Variants in MEGF6 observed in about 807,000 individuals in gnomAD.
MEGF6 encodes multiple EGF like domains 6, also known as multiple epidermal growth factor-like domains protein 6.
Under a neutral mutation model 207.1 loss-of-function variants are expected in MEGF6, and 184 were observed. The ratio of observed to expected loss-of-function variants is 0.89; its 90% CI spans 0.79 to 1.00. The LOEUF is 1.00. Among genes scored for constraint, MEGF6 ranks in the 50% least tolerant of loss-of-function variants. The pLI is 0.00. For missense variants in MEGF6, 2,282 were observed against 2,202.9 expected, an observed-to-expected ratio of 1.04 and a Z score of -0.72; for synonymous variants, 1,038 against 910.0, an observed-to-expected ratio of 1.14 and a Z score of -2.53.
At chr1:3,553,596 G>C (rs1045625914) in intron 4 of MEGF6, among the ~76,000 whole-genome samples, 1 of 152,190 alleles carries the variant, frequency 6.6e-6, no homozygotes, top group African/African-American at 2.4e-5. Flanking sequence ...CAGGATTTAC[G>C]AGGCCCTGCC....
intron 4 of MEGF6, among the ~76,000 whole-genome samples, chr1:3,576,713 C>G (rs1339753054): frequency 6.6e-6 from 1 of 150,712 alleles, no homozygotes; most frequent in African/African-American, 2.4e-5. Flanking sequence ...CCTGTACACT[C>G]AGTCCTGCAC....
chr1:3,517,793 G>A (rs1212086211), intron 5 of MEGF6, among the ~76,000 whole-genome samples: 1 of 152,228 alleles, frequency 6.6e-6, no homozygotes, highest in Non-Finnish European at 1.5e-5. Context: ...CCCAGTGGGG[G>A]AAGACCCTCC....
At chr1:3,576,490 T>C (rs569045780) in intron 4 of MEGF6, among the ~76,000 whole-genome samples, 4 of 152,272 alleles carry the variant, frequency 2.6e-5, no homozygotes, top group African/African-American at 9.6e-5. Flanking sequence ...TCAATTATAA[T>C]TGGGGGGTTA....
At chr1:3,597,012 TG>T (rs1181136573) in intron 2 of MEGF6, among the ~76,000 whole-genome samples, 4 of 152,128 alleles carry the variant, frequency 2.6e-5, no homozygotes, top group African/African-American at 9.7e-5. Context: ...ACCCGCTCCA[TG>T]CCCCCTAAAG....
At chr1:3,567,703 C>T (rs1643386617) in intron 4 of MEGF6, among the ~76,000 whole-genome samples, 1 of 152,230 alleles carries the variant, frequency 6.6e-6, no homozygotes, top group Admixed American at 6.5e-5. Flanking sequence ...CGTCACCCTG[C>T]AGGCCGGGGT....
At position 3,594,290 on chromosome 1, in the gene MEGF6, G is replaced by A. The variant is rs1476931597; in HGVS notation, c.376+1048C>T. ...CAAAAAATACAATAATTATTCAAGC[G>A]TGGTGGTGCACACCTACAGTCTCAG... On this transcript the variant is annotated intron_variant, in intron 3 of 36. Transcript: ENST00000356575. This position sits in a 1 kb window ranked among gnomAD's most constrained non-coding sequence, Gnocchi z 4.2. Among the ~76,000 whole-genome samples, 3 of 152,148 alleles carry A rather than the reference G, an allele frequency of 2.0e-5. No individual in the cohort carries two copies. Among genetic ancestry groups the A allele is most frequent in the African/African-American group, 4.8e-5 (2 of 41,430 alleles).
rs747144102 is a variant in MEGF6, at chr1:3,499,123, C to T, written c.3094+15G>A. 1 of 1,602,060 alleles carries T rather than the reference C, an allele frequency of 6.2e-7. No individual in the cohort carries two copies. The highest frequency in any genetic ancestry group is 1.7e-5 in the Admixed American group (1 of 58,696). ...GGCCTGGACCCCGGTCCCTGGACTC[C>T]TAGATGTGGCTTACCCTGCAGGCAG... On this transcript the variant is annotated intron_variant, in intron 24 of 36. Coordinates refer to ENST00000356575, the MANE Select transcript of MEGF6 (RefSeq NM_001409.4).
intron 2 of MEGF6, among the ~76,000 whole-genome samples, chr1:3,595,696 G>A (rs1037581450): frequency 2.0e-5 from 3 of 152,186 alleles, no homozygotes; most frequent in Admixed American, 6.5e-5. Flanking sequence ...CATGCAACCC[G>A]GGAACACGCT....
intron 9 of MEGF6, 32 bp downstream of exon 9, chr1:3,511,518 G>A: frequency 6.3e-7 from 1 of 1,581,546 alleles, no homozygotes. Context: ...CCTGGAGTGG[G>A]GTGCAGGCAT....
chr1:3,498,531 G>C, intron 25 of MEGF6, 32 bp from the exon 26 acceptor site: 2 of 1,536,244 alleles, frequency 1.3e-6, no homozygotes. Context: ...CGAGGGTGAG[G>C]GTCCTGCCTC....
At chr1:3,516,385 C>T (rs971775836) in intron 5 of MEGF6, among the ~76,000 whole-genome samples, 10 of 152,216 alleles carry the variant, frequency 6.6e-5, no homozygotes, top group African/African-American at 2.2e-4. Flanking sequence ...GAGTCAGCCC[C>T]GAGCTCAGAG....
intron 4 of MEGF6, among the ~76,000 whole-genome samples, chr1:3,536,745 C>T (rs2794325): frequency 0.078 from 11,811 of 152,306 alleles, 611 homozygotes; most frequent in Admixed American, 0.13. Flanking sequence ...CCAAGCTGGG[C>T]GGCCACCAGG....
chr1:3,543,818 A>G (rs1353170293), intron 4 of MEGF6, among the ~76,000 whole-genome samples: 1 of 152,200 alleles, frequency 6.6e-6, no homozygotes, highest in African/African-American at 2.4e-5. Flanking sequence ...GCCCGGGCCT[A>G]ATGTGTTTGC....
rs1006305299 is a variant in MEGF6 at position 3,541,431 on chromosome 1, G to A, written c.482-17185C>T. Among the ~76,000 whole-genome samples, 8 of 152,370 alleles carry A rather than the reference G, an allele frequency of 5.3e-5. No individual in the cohort carries two copies. The South Asian group carries it at 1.4e-3, about 28-fold the overall frequency. On this transcript the variant is annotated intron_variant, in intron 4 of 36. Coordinates refer to ENST00000356575, the MANE Select transcript of MEGF6 (RefSeq NM_001409.4). ...TGGGTGGAGGCCCTGCCATGGGTGG[G>A]ACAAAGTGTTGCTCCCACAGGAAGG...
chr1:3,499,848 G>A lies in MEGF6; in HGVS notation c.2784C>T (p.Val928=), dbSNP rs1254759204. Residue 928 remains valine (V), a synonymous_variant, in exon 22 of 37, where the codon GTC becomes GTT. Coordinates refer to ENST00000356575, the MANE Select transcript of MEGF6 (RefSeq NM_001409.4). ...CGGCCGGGCAGGTGCAGGCCCCGCT[G>A]ACGTGGTCACAGGCTGCTCCATGCT... is the stretch of plus-strand genomic sequence containing the variant. ...QCQHGAACDH[V]SGACTCPAGW... 4 of 1,554,668 alleles carry A rather than the reference G, an allele frequency of 2.6e-6. No individual in the cohort carries two copies. Among genetic ancestry groups the A allele is most frequent in the Non-Finnish European group, 3.5e-6 (4 of 1,149,886 alleles).
At chr1:3,531,798 C>A (rs1642184463) in intron 4 of MEGF6, among the ~76,000 whole-genome samples, 1 of 150,776 alleles carries the variant, frequency 6.6e-6, no homozygotes, top group African/African-American at 2.5e-5. Flanking sequence ...AGGGAGCCGT[C>A]CTGGCCGGGC....
chr1:3,617,905 C>G, the MEGF6 span, among the ~76,000 whole-genome samples: 1 of 152,160 alleles, frequency 6.6e-6, no homozygotes, highest in Non-Finnish European at 1.5e-5. Flanking sequence ...CAGGCTGGCC[C>G]GGTCCTCGGT....
intron 4 of MEGF6, chr1:3,531,565 C>T (rs1228472538): frequency 3.2e-6 from 3 of 930,378 alleles, no homozygotes; most frequent in Non-Finnish European, 3.9e-6. Context: ...GGCCCGCCCG[C>T]CCCGCGCATT....
At position 3,506,128 on chromosome 1, in the gene MEGF6, T is replaced by C. The variant is rs1641107328; in HGVS notation, c.1898A>G (p.Tyr633Cys). 3 of 1,597,016 alleles carry C rather than the reference T, an allele frequency of 1.9e-6. No individual in the cohort carries two copies. Among genetic ancestry groups the C allele is most frequent in the South Asian group, 1.1e-5 (1 of 88,456 alleles). ...YGACLCDPGLYGRFCHLTCPP... is the reference protein window; with the variant it reads ...YGACLCDPGLCGRFCHLTCPP... ...CTCACTGAGGTGGCAGAAGCGGCCG[T>C]AGAGCCCTGGGTCGCAGAGGCAGGC... Residue 633 changes from tyrosine to cysteine, a missense_variant, in exon 15 of 37, where the codon TAC (tyrosine) becomes TGC (cysteine). Transcript: ENST00000356575.
Sources: gnomAD v4.1 joint callset for allele counts (sites outside exome capture counted in the v4.1 genomes callset) on GRCh38, gnomAD v4.1.1 for gene constraint, Gnocchi (gnomAD v3.1) non-coding constraint, MANE v1.5 for transcripts, NCBI Gene and HGNC (gene_info 2026-07-23, HGNC 2026-07-21) for gene names.